PTGS1: variants seen among roughly 807,000 people sequenced by gnomAD.
PTGS1 encodes prostaglandin G/H synthase 1.
In PTGS1, 40 loss-of-function variants were observed where a neutral mutation model predicts 63.0. That is an observed-to-expected ratio of 0.63 (90% CI 0.49 to 0.83). PTGS1 has a LOEUF of 0.83. PTGS1 is among the 40% of genes least tolerant of loss of function. The probability of loss-of-function intolerance (pLI) is 0.00; values close to 1 mark genes in which losing one functional copy is unlikely to be tolerated. For missense variants in PTGS1, 709 were observed against 786.5 expected (o/e 0.90, Z 1.18); for synonymous variants, 298 against 301.9 (o/e 0.99, Z 0.13).
intron 3 of PTGS1, among the ~76,000 whole-genome samples, 164 bp downstream of exon 3, chr9:122,378,179 T>G (rs553011230): frequency 3.0e-4 from 45 of 152,336 alleles, no homozygotes; most frequent in African/African-American, 1.1e-3. Context: ...GCATGAGCTC[T>G]CGCTCTTGGT....
Position 122,383,704 on chromosome 9 carries a change from C to T in PTGS1, c.958C>T (p.Pro320Ser), listed in dbSNP as rs1837685167. ...GTGTGACCTGCTGAAGGCTGAGCAC[C>T]CCACCTGGGGCGATGAGCAGCTTTT... is the stretch of plus-strand genomic sequence containing the variant. The part of the protein sequence containing the change: ...RVCDLLKAEH[P>S]TWGDEQLFQT... Residue 320 changes from proline (P) to serine (S), a missense_variant, in exon 8 of 11, where the codon CCC (proline) becomes TCC (serine). Physicochemically the swap from Pro to Ser is moderately conservative, Grantham distance 74 (BLOSUM62 -1). Coordinates refer to ENST00000362012, the MANE Select transcript of PTGS1 (RefSeq NM_000962.4). 2.5e-6 allele frequency: 4 copies of T among 1,613,888 alleles called. No homozygotes were observed. In the East Asian group the frequency reaches 8.9e-5, roughly 36 times the overall value.
rs141836062 is a variant in PTGS1 at position 122,371,826 on chromosome 9, C to G, written c.94+554C>G. Reference sequence around the variant, plus strand: ...ATCCCCATTGAGCAAATGAGGAAACCGAGGCTCAGTAGGTGCCATGATTCC... The same window carrying G: ...ATCCCCATTGAGCAAATGAGGAAACGGAGGCTCAGTAGGTGCCATGATTCC... On this transcript the variant is annotated intron_variant, in intron 2 of 10. Coordinates refer to ENST00000362012, the MANE Select transcript of PTGS1 (RefSeq NM_000962.4). 3.3e-4 allele frequency: 501 copies of G among 1,531,188 alleles called. 1 individual carries two copies. Among genetic ancestry groups the G allele is most frequent in the Admixed American group, 1.6e-3 (81 of 50,976 alleles). The allele number at this position is 1,531,188 out of a possible 1,614,324, so 94.9% of individuals were successfully genotyped here. A position where few individuals can be genotyped will look rare whatever the true frequency, so the allele number is the denominator to read the frequency against.
intron 9 of PTGS1, among the ~76,000 whole-genome samples, chr9:122,387,733 A>G (rs1410801941): frequency 6.6e-6 from 1 of 152,236 alleles, no homozygotes; most frequent in Non-Finnish European, 1.5e-5. Flanking sequence ...ATTCTGTGGT[A>G]CATTGTCATG....
chr9:122,378,652 G>A, intron 4 of PTGS1, 79 bp downstream of exon 4: 3 of 1,608,112 alleles, frequency 1.9e-6, no homozygotes, highest in South Asian at 1.1e-5. Context: ...CATCTGATAA[G>A]GGTAGTGGGT....
intron 9 of PTGS1, 114 bp downstream of exon 9, chr9:122,386,846 C>T: frequency 1.6e-6 from 2 of 1,217,934 alleles, no homozygotes; most frequent in South Asian, 3.0e-5. Flanking sequence ...TTCTACAGGG[C>T]AGTTGTAAGC....
chr9:122,376,690 C>T (rs1179600161), intron 2 of PTGS1, among the ~76,000 whole-genome samples: 8 of 152,134 alleles, frequency 5.3e-5, no homozygotes, highest in Non-Finnish European at 8.8e-5. Context: ...GAAAGGAGCC[C>T]GGCGTTTTCT....
At chr9:122,382,640 T>C (rs10306151) in intron 7 of PTGS1, among the ~76,000 whole-genome samples, 2,593 of 152,362 alleles carry the variant, frequency 0.017, 60 homozygotes, top group African/African-American at 0.057. Flanking sequence ...GCTCAGTAGC[T>C]ACACGTGGCT....
intron 5 of PTGS1, among the ~76,000 whole-genome samples, chr9:122,379,249 G>A (rs1459308830): frequency 2.0e-5 from 3 of 152,164 alleles, no homozygotes; most frequent in Non-Finnish European, 4.4e-5. Flanking sequence ...ATTGGGTGCT[G>A]TCTCTGTGTT....
chr9:122,375,861 G>T (rs929962620), intron 2 of PTGS1, among the ~76,000 whole-genome samples: 1 of 152,140 alleles, frequency 6.6e-6, no homozygotes, highest in Admixed American at 6.5e-5. Flanking sequence ...GATCCCTGCT[G>T]TGGCAGGGAT....
chr9:122,379,953 C>G (rs776322767), intron 5 of PTGS1, among the ~76,000 whole-genome samples: 5 of 152,184 alleles, frequency 3.3e-5, no homozygotes, highest in African/African-American at 1.2e-4. Context: ...CTATTCCTTT[C>G]TGTGAGGGCA....
At position 122,377,933 on chromosome 9, in the gene PTGS1, G is replaced by A; in HGVS notation, c.129G>A (p.Gln43=). 1.2e-6 allele frequency: 2 copies of A among 1,614,076 alleles called. No individual in the cohort carries two copies. Among genetic ancestry groups the A allele is most frequent in the African/African-American group, 2.7e-5 (2 of 75,058 alleles). ...NPCCYYPCQH[Q]GICVRFGLDR... The stretch of plus-strand genomic sequence containing the variant: ...GTTGTTACTATCCATGCCAGCACCA[G>A]GGCATCTGTGTCCGCTTCGGCCTTG... Residue 43 remains glutamine, a synonymous_variant, in exon 3 of 11, where the codon CAG becomes CAA. Transcript: ENST00000362012.
At position 122,383,506 on chromosome 9, in the gene PTGS1, C is replaced by CA. The variant is rs751684576; in HGVS notation, c.763-2dup. ...CAGGTTGCCAGGTGGCCCCATCCCA[C>CA]AGGTGCTGGATGGAGAAATGTACCC... On this transcript the variant is annotated splice_region_variant and splice_polypyrimidine_tract_variant and intron_variant, in intron 7 of 10. Coordinates refer to ENST00000362012, the MANE Select transcript of PTGS1 (RefSeq NM_000962.4). 6.3e-7 allele frequency: 1 copy of CA among 1,595,088 alleles called. No homozygotes were observed. The highest frequency in any genetic ancestry group is 8.6e-7 in the Non-Finnish European group (1 of 1,165,136).
intron 2 of PTGS1, 38 bp downstream of exon 2, chr9:122,371,310 C>A: frequency 6.3e-7 from 1 of 1,599,738 alleles, no homozygotes; most frequent in South Asian, 1.1e-5. Flanking sequence ...AATCCCCGGT[C>A]TTGCGCCCCT....
chr9:122,390,052 C>A, intron 9 of PTGS1, 146 bp from the exon 10 acceptor site: 1 of 892,444 alleles, frequency 1.1e-6, no homozygotes, highest in Non-Finnish European at 1.6e-6. Flanking sequence ...GGCAGGTCTG[C>A]AGCATCACAA....
intron 9 of PTGS1, among the ~76,000 whole-genome samples, chr9:122,389,597 T>C (rs1838080662): frequency 6.6e-6 from 1 of 152,168 alleles, no homozygotes; most frequent in African/African-American, 2.4e-5. Context: ...CTTGGTGTAA[T>C]TCAACGGTCT....
chr9:122,370,718 A>G (rs188460067), upstream of PTGS1: 75 of 473,282 alleles, frequency 1.6e-4, no homozygotes, highest in Admixed American at 2.6e-3. Flanking sequence ...GGGGCAGGGT[A>G]TGTGGTTCAG....
chr9:122,371,020 G>A (rs1037133661), upstream of PTGS1: 9 of 1,544,336 alleles, frequency 5.8e-6, no homozygotes, highest in Admixed American at 1.9e-5. Context: ...CTGGAGCTCC[G>A]GGCAGTGTGC....
At chr9:122,378,347 C>A in intron 3 of PTGS1, 86 bp from the exon 4 acceptor site, 1 of 1,582,152 alleles carries the variant, frequency 6.3e-7, no homozygotes, top group South Asian at 1.1e-5. Flanking sequence ...CACCCTGGCC[C>A]TTGTCCTCAG....
chr9:122,392,356 A>G lies in PTGS1; in HGVS notation c.1612A>G (p.Ile538Val), dbSNP rs1838340009. 11 of 1,614,048 alleles carry G rather than the reference A, an allele frequency of 6.8e-6. No homozygotes were observed. Among genetic ancestry groups the G allele is most frequent in the African/African-American group, 1.3e-5 (1 of 74,914 alleles). Residue 538 changes from isoleucine (I) to valine (V), a missense_variant, in exon 11 of 11, where the codon ATC (isoleucine) becomes GTC (valine). Transcript: ENST00000362012. Reference protein sequence around the residue: ...FSLKGLLGNPICSPEYWKPST... With the variant: ...FSLKGLLGNPVCSPEYWKPST... Reference sequence around the variant, plus strand: ...CCTCAAGGGTCTCCTAGGGAATCCCATCTGTTCTCCGGAGTACTGGAAGCC... The same window carrying G: ...CCTCAAGGGTCTCCTAGGGAATCCCGTCTGTTCTCCGGAGTACTGGAAGCC...
Sources: allele counts gnomAD v4.1 joint callset (sites outside exome capture counted in the v4.1 genomes callset), GRCh38; gene constraint gnomAD v4.1.1; transcripts MANE v1.5; gene names NCBI Gene and HGNC (gene_info 2026-07-23, HGNC 2026-07-21).